Variants in SOX5 observed in about 807,000 individuals in gnomAD.
SOX5 encodes transcription factor SOX-5.
In SOX5, 9 loss-of-function variants were observed where a neutral mutation model predicts 92.0. That is an observed-to-expected ratio of 0.10 (90% CI 0.06 to 0.17). The LOEUF (loss-of-function observed/expected upper bound fraction) is 0.17, where lower values mean the gene tolerates loss of function less well. Ranked by LOEUF, SOX5 falls within the 10% of genes least tolerant of loss-of-function variation. The pLI, the probability that SOX5 is intolerant of heterozygous loss-of-function variation, is 1.00. For synonymous variants in SOX5, 344 were observed against 336.3 expected, an observed-to-expected ratio of 1.02 and a Z score of -0.25; for missense variants, 642 against 944.5, an observed-to-expected ratio of 0.68 and a Z score of 4.20.
intron 4 of SOX5, among the ~76,000 whole-genome samples, chr12:23,755,168 A>G (rs2094323678): frequency 6.6e-6 from 1 of 151,760 alleles, no homozygotes; most frequent in Admixed American, 6.6e-5. Flanking sequence ...ATAAAACCAA[A>G]ACAAATTGTT....
intron 1 of SOX5, among the ~76,000 whole-genome samples, chr12:23,946,719 C>A (rs745726034): frequency 6.6e-6 from 1 of 151,786 alleles, no homozygotes; most frequent in African/African-American, 2.4e-5. Context: ...TTCCTTTAAA[C>A]GGTAAAATGT....
intron 8 of SOX5, among the ~76,000 whole-genome samples, chr12:23,638,899 A>AAC (rs998605969): frequency 1.3e-5 from 2 of 152,094 alleles, no homozygotes; most frequent in African/African-American, 4.8e-5. Context: ...AAAAAAAAAA[A>AAC]AACAACTTTT....
At chr12:24,422,328 A>G (rs961052902) in intron 1 of SOX5, among the ~76,000 whole-genome samples, 1 of 152,176 alleles carries the variant, frequency 6.6e-6, no homozygotes, top group African/African-American at 2.4e-5. Flanking sequence ...GGAAATTAGG[A>G]GGGACCATAT....
chr12:24,118,695 C>T (rs1364930168), intron 4 of SOX5, among the ~76,000 whole-genome samples: 4 of 152,104 alleles, frequency 2.6e-5, no homozygotes, highest in Admixed American at 2.6e-4. Context: ...CTTAAAAAAG[C>T]TTCAAGTAAA....
intron 8 of SOX5, among the ~76,000 whole-genome samples, chr12:23,627,493 C>A (rs1592716637): frequency 6.6e-6 from 1 of 152,182 alleles, no homozygotes; most frequent in African/African-American, 2.4e-5. Flanking sequence ...TATGGATAGG[C>A]TCTTTGCCAG....
intron 4 of SOX5, among the ~76,000 whole-genome samples, chr12:23,987,737 G>A (rs1265471881): frequency 2.0e-5 from 3 of 152,316 alleles, no homozygotes; most frequent in African/African-American, 7.2e-5. Context: ...AGGTTGCAGC[G>A]AGCTGCGATC....
Position 23,552,028 on chromosome 12 carries a change from AT to A in SOX5, c.1489-5605del, listed in dbSNP as rs530412433. ...TGGTTCAGAAACACACAGTGTAGAA[AT>A]TTGAGAGTTTTGGTCCAGGTGAATA... is the stretch of plus-strand genomic sequence containing the variant. On this transcript the variant is annotated intron_variant, in intron 11 of 14. Transcript: ENST00000451604. Among the ~76,000 whole-genome samples the A allele has an allele frequency of 2.8e-3, 426 of 152,048 alleles. 5 individuals carry two copies. The highest frequency in any genetic ancestry group is 6.4e-3 in the Admixed American group (98 of 15,248).
intron 2 of SOX5, among the ~76,000 whole-genome samples, chr12:24,295,832 T>G (rs886430298): frequency 6.6e-6 from 1 of 152,194 alleles, no homozygotes; most frequent in Non-Finnish European, 1.5e-5. Flanking sequence ...CCTCCCAAAA[T>G]GCTGGGTGGC....
intron 4 of SOX5, among the ~76,000 whole-genome samples, chr12:24,120,082 G>T (rs1429271820): frequency 6.6e-6 from 1 of 152,106 alleles, no homozygotes; most frequent in Non-Finnish European, 1.5e-5. Flanking sequence ...TGGGCATTTG[G>T]ATAGCTTCTT....
At chr12:23,889,990 C>T (rs1197853417) in intron 2 of SOX5, among the ~76,000 whole-genome samples, 1 of 151,962 alleles carries the variant, frequency 6.6e-6, no homozygotes, top group Non-Finnish European at 1.5e-5. Context: ...TAAAATTCAG[C>T]TGTCTGTAGA....
intron 9 of SOX5, among the ~76,000 whole-genome samples, chr12:23,589,487 T>G (rs1367152438): frequency 6.6e-6 from 1 of 151,894 alleles, no homozygotes; most frequent in East Asian, 1.9e-4. Context: ...TTTTCTACAG[T>G]ACACCTTTCC....
At chr12:23,891,566 G>A (rs148160793) in intron 2 of SOX5, among the ~76,000 whole-genome samples, 52 of 151,772 alleles carry the variant, frequency 3.4e-4, no homozygotes, top group Non-Finnish European at 6.3e-4. Context: ...TAAGAATGGA[G>A]TATGAATGTC....
chr12:23,626,733 T>C (rs1405137919), intron 8 of SOX5, among the ~76,000 whole-genome samples: 1 of 150,394 alleles, frequency 6.6e-6, no homozygotes, highest in Admixed American at 6.6e-5. Context: ...ATAGCTATAC[T>C]TATAGGTATT....
rs560385748 is a variant in SOX5 at position 24,014,434 on chromosome 12, G to T, written c.-1-118410C>A. ...AGCCTTTTAGCCTCTTTCAGTTCCT[G>T]CTCCATCCTCAGCCCTTTCTCTGGT... On this transcript the variant is annotated intron_variant, in intron 4 of 4. Coordinates refer to the SOX5 transcript ENST00000446891. Among the ~76,000 whole-genome samples the T allele has an allele frequency of 1.3e-5, 2 of 152,270 alleles. 1 individual carries two copies. The highest frequency in any genetic ancestry group is 4.1e-4 in the South Asian group (2 of 4,826).
chr12:24,443,008 G>A (rs1281063243), intron 1 of SOX5, among the ~76,000 whole-genome samples: 3 of 137,976 alleles, frequency 2.2e-5, no homozygotes, highest in African/African-American at 8.2e-5. Flanking sequence ...CTGGAGTGCA[G>A]TGGCACAATC....
intron 2 of SOX5, among the ~76,000 whole-genome samples, chr12:24,317,090 T>A (rs1949763101): frequency 6.6e-6 from 1 of 152,230 alleles, no homozygotes; most frequent in East Asian, 1.9e-4. Flanking sequence ...GGAACTCTGA[T>A]AATGAGATAA....
At chr12:23,695,118 C>A (rs201431913) in intron 6 of SOX5, among the ~76,000 whole-genome samples, 681 of 139,278 alleles carry the variant, frequency 4.9e-3, no homozygotes, top group Middle Eastern at 7.2e-3. Flanking sequence ...AACCTTGTCT[C>A]AAAAAAAAAA....
intron 6 of SOX5, among the ~76,000 whole-genome samples, chr12:23,676,958 C>T (rs968550818): frequency 2.6e-5 from 4 of 152,136 alleles, no homozygotes; most frequent in Non-Finnish European, 5.9e-5. Flanking sequence ...ATGCCTCAAA[C>T]ATAATAAATG....
chr12:23,811,254 A>C (rs1227425548), intron 3 of SOX5, among the ~76,000 whole-genome samples: 4 of 152,274 alleles, frequency 2.6e-5, no homozygotes, highest in Non-Finnish European at 5.9e-5. Context: ...ATTTTGGCCT[A>C]ATATTAAGAA....
Sources: allele counts gnomAD v4.1 joint callset (sites outside exome capture counted in the v4.1 genomes callset), GRCh38; gene constraint gnomAD v4.1.1; transcripts MANE v1.5; gene names NCBI Gene and HGNC (gene_info 2026-07-23, HGNC 2026-07-21).